The following NPC1 variants were observed in gnomAD, a reference collection of about 807,000 sequenced individuals.
NPC1 encodes Niemann-Pick C1 protein.
A neutral mutation model predicts 140.4 loss-of-function variants in NPC1; 85 were observed. That is an observed-to-expected ratio of 0.61 (90% CI 0.51 to 0.72). The LOEUF (loss-of-function observed/expected upper bound fraction) is 0.72. Ranked by LOEUF, NPC1 falls within the 30% of genes least tolerant of loss-of-function variation. NPC1 has a pLI of 0.00. For missense variants in NPC1, 1,504 were observed against 1,623.8 expected (o/e 0.93, Z 1.27); for synonymous variants, 656 against 624.8 (o/e 1.05, Z -0.74).
intron 10 of NPC1, among the ~76,000 whole-genome samples, chr18:23,548,816 T>A (rs1466251423): frequency 6.6e-6 from 1 of 152,128 alleles, no homozygotes; most frequent in South Asian, 2.1e-4. Context: ...AGGGGGACAG[T>A]GTCTTGTTCT....
chr18:23,521,924 C>G (rs895104298), downstream of NPC1, among the ~76,000 whole-genome samples: 1 of 152,170 alleles, frequency 6.6e-6, no homozygotes, highest in Non-Finnish European at 1.5e-5. Context: ...GCAGAATTGG[C>G]TAGTCTGAGG....
At chr18:23,566,292 G>C (rs1372986554) in intron 4 of NPC1, among the ~76,000 whole-genome samples, 1 of 152,050 alleles carries the variant, frequency 6.6e-6, no homozygotes, top group Admixed American at 6.6e-5. Context: ...AACTACCCAG[G>C]GGGACTACTT....
At chr18:23,508,691 A>T (rs535705007) in intron 3 of NPC1, 1 of 152,328 alleles carries the variant, frequency 6.6e-6, no homozygotes. Context: ...CATCCCCACC[A>T]CTGTCCTGCC....
intron 3 of NPC1, among the ~76,000 whole-genome samples, chr18:23,513,761 C>T (rs943337739): frequency 3.3e-5 from 5 of 152,098 alleles, no homozygotes; most frequent in African/African-American, 4.8e-5. Context: ...TTTTGATTTG[C>T]GCTCTTTGTT....
At chr18:23,582,162 T>G (rs1024737313) in intron 1 of NPC1, 2 of 152,186 alleles carry the variant, frequency 1.3e-5, no homozygotes, top group African/African-American at 4.8e-5. Flanking sequence ...TTTGATCTTA[T>G]CCTTTGTTGT....
At chr18:23,542,111 G>C (rs189505687) in intron 14 of NPC1, among the ~76,000 whole-genome samples, 1 of 152,222 alleles carries the variant, frequency 6.6e-6, no homozygotes, top group Admixed American at 6.5e-5. Context: ...TTTTTAGATA[G>C]GACACGTGCA....
chr18:23,533,295 A>G, intron 24 of NPC1, 60 bp downstream of exon 24: 1 of 1,479,360 alleles, frequency 6.8e-7, no homozygotes, highest in Non-Finnish European at 9.5e-7. Context: ...GCCTCAGGAT[A>G]GAATTCCCTT....
At chr18:23,583,735 C>G (rs768649122) in intron 1 of NPC1, among the ~76,000 whole-genome samples, 8 of 152,284 alleles carry the variant, frequency 5.3e-5, no homozygotes, top group Non-Finnish European at 1.2e-4. Context: ...GGTAATATAA[C>G]AAACACTGGA....
Position 23,556,808 on chromosome 18 carries a change from T to C in NPC1, c.956-195A>G, listed in dbSNP as rs1764508954. The C allele has an allele frequency of 4.8e-6, 4 of 832,692 alleles. No homozygotes were observed. In the South Asian group the frequency reaches 6.1e-5, roughly 13 times the overall value. 51.6% of individuals were successfully genotyped at this position (832,692 alleles called of 1,614,324 possible). A position where few individuals can be genotyped will look rare whatever the true frequency, so the allele number is the denominator to read the frequency against. ...GTTGGCTGCCCTCAATGAGCGCTAT[T>C]CCCACCCCACAGAGGAGATGCCGAC... On this transcript the variant is annotated intron_variant, in intron 7 of 24. Coordinates refer to ENST00000269228, the MANE Select transcript of NPC1 (RefSeq NM_000271.5).
chr18:23,516,082 G>A (rs2057995950), intron 3 of NPC1: 3 of 1,579,840 alleles, frequency 1.9e-6, no homozygotes, highest in Non-Finnish European at 1.7e-6. Context: ...GCACGTTAGG[G>A]ACAGGTTCCT....
At chr18:23,564,969 C>T (rs367861430) in intron 4 of NPC1, among the ~76,000 whole-genome samples, 6 of 152,258 alleles carry the variant, frequency 3.9e-5, no homozygotes, top group African/African-American at 1.4e-4. Flanking sequence ...GCACCCTTGT[C>T]AAAAATCAGT....
chr18:23,543,989 T>C (rs1303491748), intron 13 of NPC1, among the ~76,000 whole-genome samples: 1 of 152,222 alleles, frequency 6.6e-6, no homozygotes, highest in Non-Finnish European at 1.5e-5. Context: ...CATTCTATAC[T>C]ATGCTGAACA....
At chr18:23,556,803 G>T in intron 7 of NPC1, 190 bp from the exon 8 acceptor site, 1 of 857,886 alleles carries the variant, frequency 1.2e-6, no homozygotes, top group Non-Finnish European at 1.9e-6. Flanking sequence ...CTCAATGAGC[G>T]CTATTCCCAC....
chr18:23,551,328 C>A (rs542132085), intron 10 of NPC1, among the ~76,000 whole-genome samples: 106 of 152,174 alleles, frequency 7.0e-4, no homozygotes, highest in Non-Finnish European at 1.2e-3. Flanking sequence ...AGGCCCATGA[C>A]CTTCAAGCTG....
chr18:23,526,558 A>C, downstream of NPC1: 1 of 1,541,822 alleles, frequency 6.5e-7, no homozygotes, highest in Admixed American at 1.9e-5. Flanking sequence ...CCCGCCCCGC[A>C]GATGTTTAGG....
Position 23,545,081 on chromosome 18 carries a change from A to G in NPC1, c.1826T>C (p.Ile609Thr). The change falls in exon 12 of 25, where the codon ATT becomes ACT. Residue 609 changes from isoleucine to threonine, a missense_variant. Transcript: ENST00000269228. Reference sequence around the variant, plus strand: ...ACTTTCACGATTTAGTTCATCTTCAATACTTCGTTCAGCAGTGAAGGAAAT... The same window carrying G: ...ACTTTCACGATTTAGTTCATCTTCAGTACTTCGTTCAGCAGTGAAGGAAAT... Reference protein sequence around the residue: ...LTISFTAERSIEDELNRESDS... With the variant: ...LTISFTAERSTEDELNRESDS... 6.2e-7 allele frequency: 1 copy of G among 1,612,732 alleles called. No individual in the cohort carries two copies. Among genetic ancestry groups the G allele is most frequent in the Non-Finnish European group, 8.5e-7 (1 of 1,178,748 alleles).
intron 1 of NPC1, among the ~76,000 whole-genome samples, chr18:23,523,795 G>A (rs1441323665): frequency 6.6e-6 from 1 of 152,166 alleles, no homozygotes; most frequent in Non-Finnish European, 1.5e-5. Flanking sequence ...CTGGGTATTT[G>A]ATTTTGAATC....
At chr18:23,561,980 G>A (rs1486201754) in intron 4 of NPC1, among the ~76,000 whole-genome samples, 1 of 152,110 alleles carries the variant, frequency 6.6e-6, no homozygotes, top group Non-Finnish European at 1.5e-5. Flanking sequence ...TAGAGCAGAG[G>A]TCACGTGTCA....
chr18:23,529,287 G>C (rs144103523), downstream of NPC1: 16 of 1,610,460 alleles, frequency 9.9e-6, no homozygotes, highest in African/African-American at 2.1e-4. Context: ...GTCAGCCTTT[G>C]TGGAAAAGAA....
Sources: allele counts gnomAD v4.1 joint callset (sites outside exome capture counted in the v4.1 genomes callset), GRCh38; gene constraint gnomAD v4.1.1; transcripts MANE v1.5; gene names NCBI Gene and HGNC (gene_info 2026-07-23, HGNC 2026-07-21).